The following GMDS variants were observed in gnomAD, a reference collection of about 807,000 sequenced individuals.
The protein encoded by GMDS is GDP-mannose 4,6 dehydratase.
GMDS carries 20 observed loss-of-function variants against 49.9 expected under a neutral mutation model. That is an observed-to-expected ratio of 0.40 (90% CI 0.28 to 0.58). The LOEUF (loss-of-function observed/expected upper bound fraction) is 0.58. Among genes scored for constraint, GMDS ranks in the 20% least tolerant of loss-of-function variants. GMDS has a pLI of 0.42. For synonymous variants in GMDS, 177 were observed against 178.6 expected (o/e 0.99, Z 0.07); for missense variants, 362 against 481.4 (o/e 0.75, Z 2.32).
intron 7 of GMDS, among the ~76,000 whole-genome samples, chr6:1,868,009 T>C (rs1390229906): frequency 1.3e-5 from 2 of 151,532 alleles, no homozygotes; most frequent in African/African-American, 4.9e-5. Flanking sequence ...TTTTTTTCCC[T>C]GGAGTCTCGC....
rs190118588 is a variant in GMDS, at chr6:2,022,847, C to T, written c.346-61881G>A. On this transcript the variant is annotated intron_variant, in intron 4 of 10. Transcript: ENST00000380815. ...TAATAGTGAACATTTAGAACACAGA[C>T]AGAGAACTTCCAAAACTCCAATAAG... is the stretch of plus-strand genomic sequence containing the variant. 5.2e-3 allele frequency among the ~76,000 whole-genome samples: 796 copies of T among 151,978 alleles called. 4 individuals are homozygous for T. Among genetic ancestry groups the T allele is most frequent in the Middle Eastern group, 0.024 (7 of 294 alleles).
At chr6:1,655,814 A>G (rs1034636722) in intron 9 of GMDS, among the ~76,000 whole-genome samples, 3 of 152,156 alleles carry the variant, frequency 2.0e-5, no homozygotes, top group Non-Finnish European at 4.4e-5. Flanking sequence ...TGTCTTTAAC[A>G]TATTTTTATA....
intron 7 of GMDS, among the ~76,000 whole-genome samples, chr6:1,876,388 T>TTATA (rs1234155758): frequency 6.6e-6 from 1 of 152,230 alleles, no homozygotes; most frequent in African/African-American, 2.4e-5. Flanking sequence ...ATTTATTGAT[T>TTATA]TATACATTCT....
At chr6:1,853,478 A>C (rs1441627116) in intron 7 of GMDS, among the ~76,000 whole-genome samples, 1 of 141,604 alleles carries the variant, frequency 7.1e-6, no homozygotes, top group African/African-American at 2.8e-5. Flanking sequence ...AGATCGCGCC[A>C]CTGCACTCCA....
chr6:1,731,427 C>T (rs1340196944), intron 8 of GMDS, among the ~76,000 whole-genome samples: 1 of 152,192 alleles, frequency 6.6e-6, no homozygotes, highest in African/African-American at 2.4e-5. Flanking sequence ...ACATCAAGTT[C>T]CACACCACTG....
intron 4 of GMDS, among the ~76,000 whole-genome samples, chr6:2,021,419 G>A (rs1048108448): frequency 2.0e-5 from 3 of 152,064 alleles, no homozygotes; most frequent in East Asian, 1.9e-4. Flanking sequence ...TAAGATAGTC[G>A]ATTAACAGAC....
chr6:2,163,110 C>T (rs947313190), intron 1 of GMDS, among the ~76,000 whole-genome samples: 1 of 152,160 alleles, frequency 6.6e-6, no homozygotes, highest in Admixed American at 6.5e-5. Context: ...CAATCACGAC[C>T]GATGACATGT....
chr6:1,999,978 ATATTT>A (rs1423106277), intron 4 of GMDS, among the ~76,000 whole-genome samples: 3 of 22,592 alleles, frequency 1.3e-4, no homozygotes, highest in African/African-American at 4.0e-4. Flanking sequence ...TATTATATAT[ATATTT>A]TATATATATA....
At chr6:1,625,808 GTA>G (rs1398912820) in intron 9 of GMDS, among the ~76,000 whole-genome samples, 1 of 152,254 alleles carries the variant, frequency 6.6e-6, no homozygotes, top group Non-Finnish European at 1.5e-5. Context: ...ATACACAAAT[GTA>G]CTCGTCAAAT....
At chr6:2,071,333 C>T (rs566388819) in intron 4 of GMDS, among the ~76,000 whole-genome samples, 2 of 152,220 alleles carry the variant, frequency 1.3e-5, no homozygotes, top group South Asian at 4.1e-4. Flanking sequence ...ATGAATTGGT[C>T]TCAACTAAGA....
intron 9 of GMDS, among the ~76,000 whole-genome samples, chr6:1,654,705 C>T (rs7766110): frequency 0.023 from 3,535 of 152,128 alleles, 112 homozygotes; most frequent in African/African-American, 0.08. Context: ...CTTAATGCCA[C>T]GGAACTGCAC....
intron 6 of GMDS, among the ~76,000 whole-genome samples, chr6:1,932,695 G>C (rs1430227612): frequency 1.3e-5 from 2 of 151,790 alleles, no homozygotes; most frequent in African/African-American, 4.8e-5. Context: ...CCGTCACCAC[G>C]CCCAGCTAAT....
intron 4 of GMDS, among the ~76,000 whole-genome samples, chr6:2,042,341 T>C (rs1332268270): frequency 1.3e-5 from 2 of 152,180 alleles, no homozygotes; most frequent in Non-Finnish European, 2.9e-5. Flanking sequence ...TAATGCCCAA[T>C]GGCTGACCCA....
intron 7 of GMDS, among the ~76,000 whole-genome samples, chr6:1,764,131 C>T (rs899183057): frequency 1.5e-4 from 23 of 152,088 alleles, no homozygotes; most frequent in Admixed American, 1.4e-3. Flanking sequence ...GATTTTGTTC[C>T]CAGCAGTAAA....
In GMDS at chr6:1,960,923, A is replaced by G; in HGVS notation, c.389T>C (p.Val130Ala). 6.3e-7 allele frequency: 1 copy of G among 1,596,838 alleles called. No homozygotes were observed. Among genetic ancestry groups the G allele is most frequent in the East Asian group, 2.2e-5 (1 of 44,636 alleles). The change falls in exon 5 of 11, where the codon GTT becomes GCT. Residue 130 changes from valine to alanine, a missense_variant. By Grantham distance (64) the Val-to-Ala change is moderately conservative. Transcript: ENST00000380815. ...LAEYTADVDG[V>A]GTLRLLDAVK... ...TGCATCTAGAAGTCGTAGAGTGCCA[A>G]CTCCGTCAACGTCCGCAGTGTACTC...
At chr6:1,916,320 T>C (rs1761393509) in intron 7 of GMDS, among the ~76,000 whole-genome samples, 1 of 151,962 alleles carries the variant, frequency 6.6e-6, no homozygotes, top group Non-Finnish European at 1.5e-5. Flanking sequence ...CCAGGCTCTA[T>C]CAACCCTTCA....
At chr6:2,101,321 C>CA (rs993156231) in intron 4 of GMDS, among the ~76,000 whole-genome samples, 41 of 148,272 alleles carry the variant, frequency 2.8e-4, no homozygotes, top group African/African-American at 9.7e-4. Context: ...AAACAAAAAA[C>CA]AAAAAAAAGA....
At chr6:1,724,994 T>G (rs1447255621) in intron 9 of GMDS, among the ~76,000 whole-genome samples, 2 of 152,270 alleles carry the variant, frequency 1.3e-5, no homozygotes, top group African/African-American at 4.8e-5. Flanking sequence ...TTTTTCCTTC[T>G]GTCTGAAACA....
chr6:1,941,071 A>C (rs114629818), intron 6 of GMDS, among the ~76,000 whole-genome samples: 63,265 of 117,138 alleles, frequency 0.54, 13,588 homozygotes, highest in East Asian at 0.61. Flanking sequence ...CCCCAAAATA[A>C]AAAAAAAAAT....
Sources: allele counts gnomAD v4.1 joint callset (sites outside exome capture counted in the v4.1 genomes callset), GRCh38; gene constraint gnomAD v4.1.1; transcripts MANE v1.5; gene names NCBI Gene and HGNC (gene_info 2026-07-23, HGNC 2026-07-21).